The following TUBGCP4 variants were observed in gnomAD, a reference collection of about 807,000 sequenced individuals.
TUBGCP4 encodes the protein tubulin gamma complex component 4.
A neutral mutation model predicts 91.6 loss-of-function variants in TUBGCP4; 54 were observed. The ratio of observed to expected loss-of-function variants is 0.59; its 90% CI spans 0.47 to 0.74. The LOEUF is 0.74. Ranked by LOEUF, TUBGCP4 falls within the 30% of genes least tolerant of loss-of-function variation. The pLI is 0.00. For synonymous variants in TUBGCP4, 297 were observed against 302.8 expected (o/e 0.98, Z 0.20); for missense variants, 593 against 800.9 (o/e 0.74, Z 3.13).
chr15:43,372,065 CAG>C (rs941334877), intron 1 of TUBGCP4, among the ~76,000 whole-genome samples: 1 of 152,164 alleles, frequency 6.6e-6, no homozygotes, highest in African/African-American at 2.4e-5. Context: ...TAGTAATTAA[CAG>C]AGCTTAGTTT....
At position 43,407,379 on chromosome 15, in the gene TUBGCP4, A is replaced by C. The variant is rs1429646922; in HGVS notation, c.*2165A>C. On this transcript the variant is annotated 3_prime_UTR_variant, in exon 18 of 18. Transcript: ENST00000564079. ...GGGAATAAAACCAGTAAGACCAAGT[A>C]TCTTTAGTGAGAAACATAATCGTGT... 4 of 1,613,742 alleles carry C rather than the reference A, an allele frequency of 2.5e-6. No homozygotes were observed. Among genetic ancestry groups the C allele is most frequent in the East Asian group, 2.2e-5 (1 of 44,876 alleles).
In TUBGCP4 at chr15:43,383,483, A is replaced by G. The variant is rs1350462612; in HGVS notation, c.702A>G (p.Gln234=). 4 of 1,610,556 alleles carry G rather than the reference A, an allele frequency of 2.5e-6. No homozygotes were observed. The African/African-American group carries it at 4.0e-5, about 16-fold the overall frequency. The change falls in exon 7 of 18, where the codon CAA becomes CAG. Residue 234 remains glutamine, a synonymous_variant. Transcript: ENST00000564079. The part of the protein sequence containing the change: ...DLGIGGLTGK[Q]LRELQDLRLI... ...GCATTGGGGGACTGACAGGAAAACAACTGAGAGAACTGCAGGACTTGGTGA... is the reference window on the plus strand; with the variant it reads ...GCATTGGGGGACTGACAGGAAAACAGCTGAGAGAACTGCAGGACTTGGTGA...
At chr15:43,376,883 T>C in intron 3 of TUBGCP4, 131 bp from the exon 4 acceptor site, 1 of 925,950 alleles carries the variant, frequency 1.1e-6, no homozygotes, top group East Asian at 2.6e-5. Context: ...AATAACCTGA[T>C]TAAATTATCA....
At chr15:43,376,457 T>G in intron 2 of TUBGCP4, 46 bp from the exon 3 acceptor site, 1 of 1,614,146 alleles carries the variant, frequency 6.2e-7, no homozygotes, top group Non-Finnish European at 8.5e-7. Context: ...TTTCTCAGGT[T>G]TCAGGGCCTG....
intron 14 of TUBGCP4, 77 bp from the exon 15 acceptor site, chr15:43,401,639 T>C: frequency 1.3e-6 from 2 of 1,490,602 alleles, no homozygotes; most frequent in African/African-American, 2.8e-5. Context: ...CATTTTCATT[T>C]CAATCTGTCA....
rs1327147196 is a variant in TUBGCP4 at position 43,406,738 on chromosome 15, G to GT, written c.*1525dup. On this transcript the variant is annotated 3_prime_UTR_variant, in exon 18 of 18. Transcript: ENST00000564079. The stretch of plus-strand genomic sequence containing the variant: ...AATATTGGGTCTTTGACTAGAACGT[G>GT]TAACATTTCCAGGTGTTCTCACTTG... 1 of 397,300 alleles carries GT rather than the reference G, an allele frequency of 2.5e-6. No individual in the cohort carries two copies. The highest frequency in any genetic ancestry group is 2.1e-5 in the African/African-American group (1 of 47,610). 24.6% of individuals were successfully genotyped at this position (397,300 alleles called of 1,614,324 possible). A position where few individuals can be genotyped will look rare whatever the true frequency, so the allele number is the denominator to read the frequency against.
chr15:43,385,330 G>A (rs752349954), intron 7 of TUBGCP4: 4 of 455,726 alleles, frequency 8.8e-6, no homozygotes, highest in South Asian at 6.2e-5. Context: ...AGAGAGGTCT[G>A]TGACCTAAAA....
chr15:43,405,509 G>A lies in TUBGCP4; in HGVS notation c.*295G>A, dbSNP rs912706254. ...TAGTCATTTATTGAGCACCTACTAC[G>A]TACCTTGGTACTGTTCAAGCTGTGG... On this transcript the variant is annotated 3_prime_UTR_variant, in exon 18 of 18. Transcript: ENST00000564079. 27 of 437,050 alleles carry A rather than the reference G, an allele frequency of 6.2e-5. No homozygotes were observed. Among genetic ancestry groups the A allele is most frequent in the African/African-American group, 4.2e-4 (21 of 50,244 alleles). The allele number at this position is 437,050 out of a possible 1,614,324, so 27.1% of individuals were successfully genotyped here. A position where few individuals can be genotyped will look rare whatever the true frequency, so the allele number is the denominator to read the frequency against.
chr15:43,392,594 G>C (rs1416551991), intron 9 of TUBGCP4, among the ~76,000 whole-genome samples: 1 of 152,118 alleles, frequency 6.6e-6, no homozygotes, highest in Non-Finnish European at 1.5e-5. Flanking sequence ...TGCCTCCCGG[G>C]TTCAAGCGAT....
At chr15:43,373,071 T>C (rs900300424) in intron 1 of TUBGCP4, among the ~76,000 whole-genome samples, 1 of 152,224 alleles carries the variant, frequency 6.6e-6, no homozygotes, top group Non-Finnish European at 1.5e-5. Context: ...GGAAAAGTTG[T>C]CATGAGTGCC....
rs2142800110 is a variant in TUBGCP4, at chr15:43,383,396, C to T, written c.615C>T (p.Ile205=). The T allele has an allele frequency of 1.9e-6, 3 of 1,614,168 alleles. No homozygotes were observed. Among genetic ancestry groups the T allele is most frequent in the Non-Finnish European group, 2.5e-6 (3 of 1,180,028 alleles). ...TGGACCAGCATGAAGAATTCTTTAT[C>T]AAACAGGGGCCATCTTCTGGTAATG... ...LLLDQHEEFF[I]KQGPSSGNVS... The change falls in exon 7 of 18, where the codon ATC becomes ATT. Residue 205 remains isoleucine, a synonymous_variant. Transcript: ENST00000564079.
Position 43,407,929 on chromosome 15 carries a change from A to G in TUBGCP4, c.*2715A>G. On this transcript the variant is annotated 3_prime_UTR_variant, in exon 18 of 18. Transcript: ENST00000564079. ...TCCCTGGAACAAAGACACTACACAC[A>G]CTCTTTCAGGTACCTTTGTTATGGG... 6 of 1,607,386 alleles carry G rather than the reference A, an allele frequency of 3.7e-6. No homozygotes were observed. Among genetic ancestry groups the G allele is most frequent in the East Asian group, 2.2e-5 (1 of 44,816 alleles).
chr15:43,403,646 C>T lies in TUBGCP4; in HGVS notation c.1732-37C>T, dbSNP rs112289703. Reference sequence around the variant, plus strand: ...CACTTTAACTTCATGGATGTACCTTCCTTCCTTTCCTAATGCCAACTCTGT... The same window carrying T: ...CACTTTAACTTCATGGATGTACCTTTCTTCCTTTCCTAATGCCAACTCTGT... On this transcript the variant is annotated intron_variant, in intron 15 of 17. Transcript: ENST00000564079. 2.8e-4 allele frequency: 408 copies of T among 1,449,654 alleles called. 4 individuals carry two copies. The African/African-American group carries it at 4.3e-3, about 15-fold the overall frequency. The allele number at this position is 1,449,654 out of a possible 1,614,324, so 89.8% of individuals were successfully genotyped here. A position where few individuals can be genotyped will look rare whatever the true frequency, so the allele number is the denominator to read the frequency against.
At chr15:43,372,666 C>T (rs1397103538) in intron 1 of TUBGCP4, among the ~76,000 whole-genome samples, 1 of 152,164 alleles carries the variant, frequency 6.6e-6, no homozygotes, top group Non-Finnish European at 1.5e-5. Context: ...CATCTTTTCC[C>T]TTCCTTTCTT....
chr15:43,400,201 A>G lies in TUBGCP4; in HGVS notation c.1576A>G (p.Asn526Asp). The G allele has an allele frequency of 6.2e-7, 1 of 1,614,108 alleles. No homozygotes were observed. Among genetic ancestry groups the G allele is most frequent in the Non-Finnish European group, 8.5e-7 (1 of 1,179,996 alleles). ...AAATCACATGGCATTTTTGGTGGAT[A>G]ATCTTCAGTACTATCTCCAGGTCTG... The part of the protein sequence containing the change: ...LRNHMAFLVD[N>D]LQYYLQVDVL... The change falls in exon 14 of 18, where the codon AAT becomes GAT. Residue 526 changes from asparagine to aspartate, a missense_variant. Coordinates refer to ENST00000564079, the MANE Select transcript of TUBGCP4 (RefSeq NM_014444.5).
chr15:43,395,626 A>G lies in TUBGCP4; in HGVS notation c.1109A>G (p.Gln370Arg). The G allele has an allele frequency of 1.2e-6, 2 of 1,614,126 alleles. No individual in the cohort carries two copies. Among genetic ancestry groups the G allele is most frequent in the Middle Eastern group, 1.6e-4 (1 of 6,062 alleles). Residue 370 changes from glutamine to arginine, a missense_variant, in exon 11 of 18, where the codon CAG (glutamine) becomes CGG (arginine). Transcript: ENST00000564079. ...CTTCTGGGACGTGGAGAACTGTTTCAGGCCTTCATTGACACAGCTCAACAC... is the reference window on the plus strand; with the variant it reads ...CTTCTGGGACGTGGAGAACTGTTTCGGGCCTTCATTGACACAGCTCAACAC... The part of the protein sequence containing the change: ...FYLLGRGELF[Q>R]AFIDTAQHML...
In TUBGCP4 at chr15:43,376,103, G is replaced by C; in HGVS notation, c.84G>C (p.Ser28=). The C allele has an allele frequency of 6.2e-7, 1 of 1,613,832 alleles. No homozygotes were observed. The highest frequency in any genetic ancestry group is 8.5e-7 in the Non-Finnish European group (1 of 1,179,756). ...CAGTGTTCCTCTTCCTGCAGGTATC[G>C]CAGGACTTCCCTTTCCTCCACCCCA... The part of the protein sequence containing the change: ...TWNKRSGLQV[S]QDFPFLHPSE... The change falls in exon 2 of 18, where the codon TCG becomes TCC. Residue 28 remains serine (S), a synonymous_variant. Transcript: ENST00000564079.
At chr15:43,399,200 A>G in intron 13 of TUBGCP4, 1 of 1,187,552 alleles carries the variant, frequency 8.4e-7, no homozygotes. Flanking sequence ...TCTACCAGGA[A>G]TCAGCTGTTC....
At chr15:43,401,556 G>T (rs892049909) in intron 14 of TUBGCP4, among the ~76,000 whole-genome samples, 160 bp from the exon 15 acceptor site, 1 of 152,146 alleles carries the variant, frequency 6.6e-6, no homozygotes, top group Non-Finnish European at 1.5e-5. Flanking sequence ...TTCCTACAAG[G>T]CTGGGCAATA....
Sources: gnomAD v4.1 joint callset for allele counts (sites outside exome capture counted in the v4.1 genomes callset) on GRCh38, gnomAD v4.1.1 for gene constraint, MANE v1.5 for transcripts, NCBI Gene and HGNC (gene_info 2026-07-23, HGNC 2026-07-21) for gene names.